Variants in APOBEC3C observed in about 807,000 individuals in gnomAD.
APOBEC3C encodes DNA dC->dU-editing enzyme APOBEC-3C.
Under a neutral mutation model 20.6 loss-of-function variants are expected in APOBEC3C, and 14 were observed. That is an observed-to-expected ratio of 0.68 (90% CI 0.45 to 1.06). The LOEUF is 1.06. Ranked by LOEUF, APOBEC3C falls within the 50% of genes least tolerant of loss-of-function variation. The probability of loss-of-function intolerance (pLI) is 0.00; values close to 1 mark genes in which losing one functional copy is unlikely to be tolerated. For missense variants in APOBEC3C, 244 were observed against 241.9 expected (o/e 1.01, Z -0.06); for synonymous variants, 98 against 88.8 (o/e 1.10, Z -0.58).
Position 39,020,206 on chromosome 22 carries a change from C to G in APOBEC3C, c.*1819C>G, listed in dbSNP as rs1187188293. On this transcript the variant is annotated 3_prime_UTR_variant, in exon 4 of 4. Transcript: ENST00000361441. The stretch of plus-strand genomic sequence containing the variant: ...TTGAATATGTATGTTTAGCCAACCT[C>G]TTCAGCATAAAGCTCCTGCCCAAAC... The G allele has an allele frequency of 6.6e-6, 1 of 152,246 alleles. No individual in the cohort carries two copies. The highest frequency in any genetic ancestry group is 2.1e-4 in the South Asian group (1 of 4,836). The allele number at this position is 152,246 out of a possible 1,614,324, so 9.4% of individuals were successfully genotyped here.
chr22:39,018,677 A>C lies in APOBEC3C; in HGVS notation c.*290A>C. The C allele has an allele frequency of 7.4e-6, 2 of 271,512 alleles. No individual in the cohort carries two copies. Among genetic ancestry groups the C allele is most frequent in the Non-Finnish European group, 1.4e-5 (2 of 142,334 alleles). The allele number at this position is 271,512 out of a possible 1,614,324, so 16.8% of individuals were successfully genotyped here. A position where few individuals can be genotyped will look rare whatever the true frequency, so the allele number is the denominator to read the frequency against. On this transcript the variant is annotated 3_prime_UTR_variant, in exon 4 of 4. Coordinates refer to ENST00000361441, the MANE Select transcript of APOBEC3C (RefSeq NM_014508.3). ...TTTTCCCATCTCCCCAGCATAACCA[A>C]ATCTTACTAAACTCATCCTAGGCTG...
chr22:39,017,413 G>T (rs112976283), intron 2 of APOBEC3C, among the ~76,000 whole-genome samples: 25 of 152,224 alleles, frequency 1.6e-4, no homozygotes, highest in African/African-American at 5.5e-4. Flanking sequence ...TGAGGCAGGA[G>T]GATCGCTTGA....
chr22:39,018,221 G>C, intron 3 of APOBEC3C, 48 bp from the exon 4 acceptor site: 2 of 1,596,380 alleles, frequency 1.3e-6, no homozygotes, highest in Non-Finnish European at 1.7e-6. Flanking sequence ...CCAGGGCCAG[G>C]AGAGAGGCCT....
Position 39,015,848 on chromosome 22 carries a change from T to G in APOBEC3C, c.174+97T>G, listed in dbSNP as rs538957802. On this transcript the variant is annotated intron_variant, in intron 2 of 3. Transcript: ENST00000361441. ...GTGATGTGCCCGGCGTGGGCTCTCC[T>G]GTGTGCACTTTCCTGCCACATTTCT... 1.4e-4 allele frequency: 177 copies of G among 1,234,474 alleles called. No individual in the cohort carries two copies. The African/African-American group carries it at 2.5e-3, about 18-fold the overall frequency. 76.5% of individuals were successfully genotyped at this position (1,234,474 alleles called of 1,614,324 possible). A position where few individuals can be genotyped will look rare whatever the true frequency, so the allele number is the denominator to read the frequency against.
At chr22:39,015,052 C>G (rs1769082811) in intron 1 of APOBEC3C, among the ~76,000 whole-genome samples, 1 of 152,114 alleles carries the variant, frequency 6.6e-6, no homozygotes. Context: ...AATCCTAGCA[C>G]TTTGGGAGGC....
intron 1 of APOBEC3C, among the ~76,000 whole-genome samples, chr22:39,014,985 TATG>T (rs1924730005): frequency 6.6e-6 from 1 of 150,924 alleles, no homozygotes; most frequent in African/African-American, 2.4e-5. Flanking sequence ...TAGGAAAAAA[TATG>T]ATGATCAGGA....
At position 39,015,710 on chromosome 22, in the gene APOBEC3C, C is replaced by T. The variant is rs149799186; in HGVS notation, c.133C>T (p.Arg45Cys). The T allele has an allele frequency of 6.1e-5, 99 of 1,613,860 alleles. No homozygotes were observed. The highest frequency in any genetic ancestry group is 7.9e-5 in the Non-Finnish European group (93 of 1,180,006). The change falls in exon 2 of 4, where the codon CGC becomes TGC. Residue 45 changes from arginine to cysteine, a missense_variant. Coordinates refer to ENST00000361441, the MANE Select transcript of APOBEC3C (RefSeq NM_014508.3). ...LCFTVEGIKR[R>C]SVVSWKTGVF... Reference sequence around the variant, plus strand: ...CTTCACCGTGGAAGGTATAAAGCGCCGCTCAGTTGTCTCCTGGAAGACGGG... The same window carrying T: ...CTTCACCGTGGAAGGTATAAAGCGCTGCTCAGTTGTCTCCTGGAAGACGGG...
At chr22:39,016,408 G>A (rs1181420075) in intron 2 of APOBEC3C, among the ~76,000 whole-genome samples, 5 of 140,144 alleles carry the variant, frequency 3.6e-5, no homozygotes, top group Admixed American at 1.5e-4. Context: ...TAGTAGAGAC[G>A]GGGTTTCATG....
At position 39,018,282 on chromosome 22, in the gene APOBEC3C, T is replaced by C. The variant is rs966963600; in HGVS notation, c.468T>C (p.Cys156=). The part of the protein sequence containing the change: ...EIMDYEDFKY[C]WENFVYNDNE... ...GTTTTTTCTCAGATTTTAAATATTG[T>C]TGGGAAAACTTTGTGTACAATGATA... is the stretch of plus-strand genomic sequence containing the variant. Residue 156 remains cysteine, a synonymous_variant, in exon 4 of 4, where the codon TGT becomes TGC. Coordinates refer to ENST00000361441, the MANE Select transcript of APOBEC3C (RefSeq NM_014508.3). 1 of 1,613,620 alleles carries C rather than the reference T, an allele frequency of 6.2e-7. No homozygotes were observed. Among genetic ancestry groups the C allele is most frequent in the Non-Finnish European group, 8.5e-7 (1 of 1,179,800 alleles).
In APOBEC3C at chr22:39,015,731, A is replaced by T. The variant is rs766638591; in HGVS notation, c.154A>T (p.Thr52Ser). Reference protein sequence around the residue: ...IKRRSVVSWKTGVFRNQVDSE... With the variant: ...IKRRSVVSWKSGVFRNQVDSE... ...GCGCCGCTCAGTTGTCTCCTGGAAG[A>T]CGGGCGTCTTCCGAAACCAGGTAGC... Residue 52 changes from threonine to serine, a missense_variant, in exon 2 of 4, where the codon ACG (threonine) becomes TCG (serine). Physicochemically the swap from Thr to Ser is moderately conservative, Grantham distance 58. Coordinates refer to ENST00000361441, the MANE Select transcript of APOBEC3C (RefSeq NM_014508.3). 1.2e-5 allele frequency: 20 copies of T among 1,613,846 alleles called. No homozygotes were observed. In the South Asian group the frequency reaches 2.0e-4, roughly 16 times the overall value.
At position 39,019,166 on chromosome 22, in the gene APOBEC3C, A is replaced by C. The variant is rs1238428642; in HGVS notation, c.*779A>C. 1 of 152,236 alleles carries C rather than the reference A, an allele frequency of 6.6e-6. No individual in the cohort carries two copies. The highest frequency in any genetic ancestry group is 6.5e-5 in the Admixed American group (1 of 15,274). 9.4% of individuals were successfully genotyped at this position (152,236 alleles called of 1,614,324 possible). On this transcript the variant is annotated 3_prime_UTR_variant, in exon 4 of 4. Coordinates refer to ENST00000361441, the MANE Select transcript of APOBEC3C (RefSeq NM_014508.3). Reference sequence around the variant, plus strand: ...GGAGGAAAAGCAGTCAGGCCACACAACATTGTTTCCGAAATGGACTTCTCT... The same window carrying C: ...GGAGGAAAAGCAGTCAGGCCACACACCATTGTTTCCGAAATGGACTTCTCT...
Position 39,017,845 on chromosome 22 carries a change from A to C in APOBEC3C, c.254A>C (p.Lys85Thr), listed in dbSNP as rs2146311968. 1 of 1,614,074 alleles carries C rather than the reference A, an allele frequency of 6.2e-7. No homozygotes were observed. Among genetic ancestry groups the C allele is most frequent in the Non-Finnish European group, 8.5e-7 (1 of 1,179,978 alleles). ...FCDDILSPNT[K>T]YQVTWYTSWS... ...GACGACATACTGTCTCCTAACACAA[A>C]GTACCAGGTCACCTGGTACACATCT... The change falls in exon 3 of 4, where the codon AAG becomes ACG. Residue 85 changes from lysine to threonine, a missense_variant. Lys to Thr is a moderately conservative substitution (Grantham distance 78). Coordinates refer to ENST00000361441, the MANE Select transcript of APOBEC3C (RefSeq NM_014508.3).
At chr22:39,015,339 T>TGTTCCATTGGTAGCCCCAGAGCTGGG (rs1169276492) in intron 1 of APOBEC3C, among the ~76,000 whole-genome samples, 2 of 145,526 alleles carry the variant, frequency 1.4e-5, no homozygotes, top group Non-Finnish European at 3.0e-5. Flanking sequence ...AGGTTGAGGG[T>TGTTCCATTGGTAGCCCCAGAGCTGGG]GTTCCATTGG....
In APOBEC3C at chr22:39,019,033, T is replaced by C. The variant is rs1728850626; in HGVS notation, c.*646T>C. ...TAAACTCAACCTAAACAGGTGTGAA[T>C]ATATGTAAGTTGAAAACCCGAAGTT... is the stretch of plus-strand genomic sequence containing the variant. On this transcript the variant is annotated 3_prime_UTR_variant, in exon 4 of 4. Transcript: ENST00000361441. The C allele has an allele frequency of 6.6e-6, 1 of 152,026 alleles. No homozygotes were observed. Among genetic ancestry groups the C allele is most frequent in the African/African-American group, 2.4e-5 (1 of 41,368 alleles). 9.4% of individuals were successfully genotyped at this position (152,026 alleles called of 1,614,324 possible). A position where few individuals can be genotyped will look rare whatever the true frequency, so the allele number is the denominator to read the frequency against.
At chr22:39,014,504 C>A in intron 1 of APOBEC3C, 125 bp downstream of exon 1, 1 of 1,176,876 alleles carries the variant, frequency 8.5e-7, no homozygotes, top group East Asian at 2.5e-5. Context: ...CCCTGGTTCC[C>A]CCGCTGCCCC....
chr22:39,016,563 T>G (rs2146311205), intron 2 of APOBEC3C, among the ~76,000 whole-genome samples: 1 of 152,012 alleles, frequency 6.6e-6, no homozygotes, highest in Admixed American at 6.6e-5. Flanking sequence ...TCCCTGACTC[T>G]CCTGTGATCA....
rs531167782 is a variant in APOBEC3C at position 39,015,293 on chromosome 22, T to TA, written c.18-284dup. On this transcript the variant is annotated intron_variant, in intron 1 of 3. Coordinates refer to ENST00000361441, the MANE Select transcript of APOBEC3C (RefSeq NM_014508.3). ...GGGGGACAGAGCGAGATGCCGTCTT[T>TA]AAAAAAAAAAAAAAAAAAGTAGCAG... is the stretch of plus-strand genomic sequence containing the variant. Among the ~76,000 whole-genome samples the TA allele has an allele frequency of 4.8e-3, 636 of 131,956 alleles. 2 individuals are homozygous for TA. Among genetic ancestry groups the TA allele is most frequent in the Middle Eastern group, 7.4e-3 (2 of 272 alleles). The allele number at this position is 131,956 out of a possible 152,430, so 86.6% of individuals were successfully genotyped here. A position where few individuals can be genotyped will look rare whatever the true frequency, so the allele number is the denominator to read the frequency against.
chr22:39,016,358 C>T (rs1295303491), intron 2 of APOBEC3C, among the ~76,000 whole-genome samples: 1 of 148,680 alleles, frequency 6.7e-6, no homozygotes, highest in African/African-American at 2.5e-5. Flanking sequence ...CACCACCATG[C>T]CCAGCTAATT....
intron 2 of APOBEC3C, among the ~76,000 whole-genome samples, chr22:39,016,381 C>CTTTTT (rs575173801): frequency 8.1e-6 from 1 of 122,902 alleles, no homozygotes; most frequent in African/African-American, 3.2e-5. Context: ...TTCTTTTTTT[C>CTTTTT]TTTTTTTTTT....
Sources: allele counts gnomAD v4.1 joint callset (sites outside exome capture counted in the v4.1 genomes callset), GRCh38; gene constraint gnomAD v4.1.1; transcripts MANE v1.5; gene names NCBI Gene and HGNC (gene_info 2026-07-23, HGNC 2026-07-21).